The following MTHFD1L variants were observed in gnomAD, a reference collection of about 807,000 sequenced individuals.
MTHFD1L encodes monofunctional C1-tetrahydrofolate synthase, mitochondrial.
Under a neutral mutation model 119.5 loss-of-function variants are expected in MTHFD1L, and 81 were observed. That is an observed-to-expected ratio of 0.68 (90% confidence interval 0.57 to 0.82). MTHFD1L has a LOEUF of 0.82. Among genes scored for constraint, MTHFD1L ranks in the 40% least tolerant of loss-of-function variants. The probability of loss-of-function intolerance (pLI) is 0.00; values close to 1 mark genes in which losing one functional copy is unlikely to be tolerated. For synonymous variants in MTHFD1L, 430 were observed against 475.2 expected, an observed-to-expected ratio of 0.90 and a Z score of 1.24; for missense variants, 1,125 against 1,253.4, an observed-to-expected ratio of 0.90 and a Z score of 1.55.
chr6:150,928,735 G>C (rs1465775301), intron 11 of MTHFD1L, among the ~76,000 whole-genome samples: 2 of 151,758 alleles, frequency 1.3e-5, no homozygotes, highest in Non-Finnish European at 2.9e-5. Context: ...ATAGAGACGG[G>C]GTTTCGCCAC....
intron 11 of MTHFD1L, chr6:150,935,515 T>C: frequency 3.8e-6 from 6 of 1,563,836 alleles, no homozygotes; most frequent in Non-Finnish European, 5.2e-6. Context: ...AGAAACTACA[T>C]GATATGATCA....
rs77902205 is a variant in MTHFD1L, at chr6:151,067,775, C to A, written c.2848-24692C>A. Among the ~76,000 whole-genome samples, 1,129 of 152,352 alleles carry A rather than the reference C, an allele frequency of 7.4e-3. 50 individuals carry two copies. The South Asian group carries it at 0.12, about 16-fold the overall frequency. On this transcript the variant is annotated intron_variant, in intron 26 of 27. Coordinates refer to ENST00000367321, the MANE Select transcript of MTHFD1L (RefSeq NM_015440.5). ...GAGTGAAATTTCCCCACCCCAGTGA[C>A]CCTGCCTCGCTGTATGGTTCATTCT... is the stretch of plus-strand genomic sequence containing the variant.
chr6:150,942,673 A>G (rs1235438480), intron 13 of MTHFD1L, among the ~76,000 whole-genome samples: 1 of 152,130 alleles, frequency 6.6e-6, no homozygotes, highest in East Asian at 1.9e-4. Flanking sequence ...TGTAAGAGCT[A>G]AAGTATAAAC....
At chr6:151,093,587 C>G (rs1264040187) in intron 27 of MTHFD1L, among the ~76,000 whole-genome samples, 1 of 151,928 alleles carries the variant, frequency 6.6e-6, no homozygotes, top group Non-Finnish European at 1.5e-5. Context: ...ACCCGGGAGG[C>G]GGAGGTTGCA....
intron 27 of MTHFD1L, among the ~76,000 whole-genome samples, chr6:151,101,307 G>C (rs1422255336): frequency 2.0e-5 from 3 of 152,164 alleles, no homozygotes; most frequent in African/African-American, 7.2e-5. Flanking sequence ...GCATGGCGTA[G>C]CTGTGCCTGC....
chr6:150,950,201 C>G (rs761776980), intron 16 of MTHFD1L, among the ~76,000 whole-genome samples: 3 of 152,202 alleles, frequency 2.0e-5, no homozygotes, highest in Non-Finnish European at 4.4e-5. Flanking sequence ...CATCGCAGAG[C>G]TTGGTCTTCA....
intron 20 of MTHFD1L, among the ~76,000 whole-genome samples, chr6:150,987,578 T>C (rs487215): frequency 0.53 from 81,236 of 152,048 alleles, 22,914 homozygotes; most frequent in African/African-American, 0.7. Flanking sequence ...AGCATCCGAG[T>C]GAGTTAGTAG....
At chr6:150,871,122 A>G (rs1391666171) in intron 1 of MTHFD1L, among the ~76,000 whole-genome samples, 1 of 143,380 alleles carries the variant, frequency 7.0e-6, no homozygotes, top group Non-Finnish European at 1.5e-5. Flanking sequence ...ATATATTAAT[A>G]TATATCTTAA....
chr6:151,098,529 A>C (rs1377818267), intron 27 of MTHFD1L, among the ~76,000 whole-genome samples: 1 of 152,190 alleles, frequency 6.6e-6, no homozygotes, highest in Admixed American at 6.5e-5. Flanking sequence ...TTTATACTTA[A>C]ATAATCCTCA....
intron 15 of MTHFD1L, among the ~76,000 whole-genome samples, chr6:150,945,851 G>A (rs1265023915): frequency 2.6e-5 from 4 of 152,040 alleles, no homozygotes; most frequent in Non-Finnish European, 5.9e-5. Flanking sequence ...AGTTAGCTGG[G>A]CACAGGAGCA....
Position 150,887,595 on chromosome 6 carries a change from A to T in MTHFD1L, c.644-250A>T, listed in dbSNP as rs148429271. On this transcript the variant is annotated intron_variant, in intron 6 of 27. Transcript: ENST00000367321. Reference sequence around the variant, plus strand: ...CTCAGCCTTCTAAGTAGCTGGGATTATAGGCATGTGCCATGACGCCTGGCT... The same window carrying T: ...CTCAGCCTTCTAAGTAGCTGGGATTTTAGGCATGTGCCATGACGCCTGGCT... Among the ~76,000 whole-genome samples the T allele has an allele frequency of 7.1e-3, 1,087 of 152,292 alleles. 17 individuals carry two copies. Among genetic ancestry groups the T allele is most frequent in the African/African-American group, 0.025 (1,026 of 41,540 alleles).
In MTHFD1L at chr6:150,926,863, C is replaced by G. The variant is rs1029010232; in HGVS notation, c.1256+568C>G. Among the ~76,000 whole-genome samples the G allele has an allele frequency of 1.3e-5, 2 of 151,852 alleles. No homozygotes were observed. The highest frequency in any genetic ancestry group is 2.9e-5 in the Non-Finnish European group (2 of 68,002). ...AGTTTTTGTGAAAAGGAGTGTTTGCCTTTTTCCCCTTCTTTTTAAAAAAAG... is the reference window on the plus strand; with the variant it reads ...AGTTTTTGTGAAAAGGAGTGTTTGCGTTTTTCCCCTTCTTTTTAAAAAAAG... On this transcript the variant is annotated intron_variant, in intron 11 of 27. Coordinates refer to ENST00000367321, the MANE Select transcript of MTHFD1L (RefSeq NM_015440.5). The surrounding 1 kb of genome is among the most constrained non-coding windows in gnomAD (Gnocchi z 4.3).
intron 20 of MTHFD1L, among the ~76,000 whole-genome samples, chr6:150,987,422 A>G (rs1238844502): frequency 6.6e-6 from 1 of 152,242 alleles, no homozygotes; most frequent in Non-Finnish European, 1.5e-5. Flanking sequence ...CTTTGCTAAC[A>G]GTCGTAAGAG....
intron 24 of MTHFD1L, among the ~76,000 whole-genome samples, chr6:151,028,385 A>G (rs1249598058): frequency 2.6e-5 from 4 of 152,142 alleles, no homozygotes; most frequent in African/African-American, 9.7e-5. Context: ...CCCTGTTGAT[A>G]GCAGCATTGT....
chr6:150,878,257 C>T (rs1192364161), intron 4 of MTHFD1L, among the ~76,000 whole-genome samples: 1 of 147,336 alleles, frequency 6.8e-6, no homozygotes, highest in Admixed American at 6.8e-5. Context: ...CTCTCTCTCT[C>T]TTTTTTTTTT....
intron 1 of MTHFD1L, among the ~76,000 whole-genome samples, chr6:150,873,275 A>G (rs1779848392): frequency 6.6e-6 from 1 of 152,136 alleles, no homozygotes; most frequent in African/African-American, 2.4e-5. Flanking sequence ...AGATCGTGCC[A>G]CTGCCCTCCA....
At chr6:150,978,296 A>C (rs756577147) in intron 20 of MTHFD1L, among the ~76,000 whole-genome samples, 15 of 152,132 alleles carry the variant, frequency 9.9e-5, no homozygotes, top group Non-Finnish European at 2.2e-4. Context: ...CATATCTCAA[A>C]GCCTAGCTCT....
At chr6:151,037,148 C>T (rs753155009) in intron 26 of MTHFD1L, 31 bp downstream of exon 26, 19 of 1,610,682 alleles carry the variant, frequency 1.2e-5, no homozygotes, top group Non-Finnish European at 1.4e-5. Context: ...AAAAACCCTC[C>T]CCATTCTGCA....
In MTHFD1L at chr6:151,012,031, A is replaced by C. The variant is rs59118115; in HGVS notation, c.2266-1748A>C. ...ACAACAACAACAACAAAAAAAAAAA[A>C]AAAAAAAAAAAAAAAAAAAACCAGC... On this transcript the variant is annotated intron_variant, in intron 21 of 27. Coordinates refer to ENST00000367321, the MANE Select transcript of MTHFD1L (RefSeq NM_015440.5). Among the ~76,000 whole-genome samples, 746 of 130,558 alleles carry C rather than the reference A, an allele frequency of 5.7e-3. 7 individuals are homozygous for C. Among genetic ancestry groups the C allele is most frequent in the African/African-American group, 0.016 (469 of 29,944 alleles). The allele number at this position is 130,558 out of a possible 152,430, so 85.7% of individuals were successfully genotyped here.
Sources: gnomAD v4.1 joint callset for allele counts (sites outside exome capture counted in the v4.1 genomes callset) on GRCh38, gnomAD v4.1.1 for gene constraint, Gnocchi (gnomAD v3.1) non-coding constraint, MANE v1.5 for transcripts, NCBI Gene and HGNC (gene_info 2026-07-23, HGNC 2026-07-21) for gene names.